PIBF1: variants seen among roughly 807,000 people sequenced by gnomAD.
PIBF1 encodes progesterone-induced-blocking factor 1.
In PIBF1, 90 loss-of-function variants were observed where a neutral mutation model predicts 112.5. That is an observed-to-expected ratio of 0.80 (90% CI 0.67 to 0.95). The LOEUF (loss-of-function observed/expected upper bound fraction) is 0.95, where lower values mean the gene tolerates loss of function less well. PIBF1 is among the 40% of genes least tolerant of loss of function. The pLI, the probability that PIBF1 is intolerant of heterozygous loss-of-function variation, is 0.00. For missense variants in PIBF1, 915 were observed against 852.3 expected (o/e 1.07, Z -0.92); for synonymous variants, 301 against 288.6 (o/e 1.04, Z -0.44).
At chr13:72,791,093 C>T (rs1042414576) in intron 2 of PIBF1, among the ~76,000 whole-genome samples, 3 of 151,984 alleles carry the variant, frequency 2.0e-5, no homozygotes, top group Non-Finnish European at 2.9e-5. Flanking sequence ...CTCACTCTGT[C>T]GCCCAGGCTG....
At chr13:72,883,526 G>C (rs1373998643) in intron 10 of PIBF1, among the ~76,000 whole-genome samples, 1 of 152,104 alleles carries the variant, frequency 6.6e-6, no homozygotes, top group African/African-American at 2.4e-5. Context: ...GGTAGCTCTA[G>C]CCCTGGCTGG....
chr13:72,900,488 A>G (rs959232156), intron 11 of PIBF1, among the ~76,000 whole-genome samples: 1 of 152,184 alleles, frequency 6.6e-6, no homozygotes, highest in African/African-American at 2.4e-5. Context: ...GCAAACAAAA[A>G]CAAAGTGGGG....
chr13:72,932,306 C>T (rs546033419), intron 14 of PIBF1, among the ~76,000 whole-genome samples: 2 of 152,116 alleles, frequency 1.3e-5, no homozygotes, highest in African/African-American at 4.8e-5. Flanking sequence ...TTTTTCAAGT[C>T]ATACATTAAA....
chr13:72,840,524 C>G (rs1012764844), intron 9 of PIBF1, among the ~76,000 whole-genome samples: 7 of 136,160 alleles, frequency 5.1e-5, no homozygotes, highest in Non-Finnish European at 1.1e-4. Context: ...CCCCAATAAA[C>G]TTTTTTTTTT....
rs1402466408 is a variant in PIBF1, at chr13:72,795,492, GA to G, written c.489del (p.Glu164SerfsTer6). ...AAACCTGCGTGACTTTGAGTTGACA[GA>G]AGAGCAATATATTAAATTAAAAGCT... is the stretch of plus-strand genomic sequence containing the variant. ...RRNLRDFELTEEQYIKLKAFP... is the reference protein window; with the variant it reads ...RRNLRDFELTXEQYIKLKAFP... On this transcript the variant is annotated frameshift_variant, in exon 4 of 18. Transcript: ENST00000326291. LOFTEE classifies it high-confidence loss of function. The G allele has an allele frequency of 6.2e-7, 1 of 1,609,460 alleles. No homozygotes were observed. Among genetic ancestry groups the G allele is most frequent in the Non-Finnish European group, 8.5e-7 (1 of 1,178,290 alleles).
chr13:72,892,530 A>G (rs903552465), intron 10 of PIBF1, among the ~76,000 whole-genome samples: 3 of 152,160 alleles, frequency 2.0e-5, no homozygotes, highest in Admixed American at 2.0e-4. Flanking sequence ...GTAATAGCAG[A>G]AAGACTATCG....
intron 10 of PIBF1, among the ~76,000 whole-genome samples, chr13:72,892,584 T>C (rs1406994969): frequency 1.1e-4 from 17 of 152,164 alleles, no homozygotes; most frequent in Admixed American, 1.1e-3. Context: ...TGAAATTTAC[T>C]AGCAGTGTGT....
intron 8 of PIBF1, among the ~76,000 whole-genome samples, chr13:72,832,396 G>C (rs1218671741): frequency 2.0e-5 from 3 of 152,158 alleles, no homozygotes; most frequent in African/African-American, 4.8e-5. Flanking sequence ...TTTTGCAGTG[G>C]CTGGTACCAG....
At chr13:73,002,264 G>A (rs940325334) in intron 17 of PIBF1, among the ~76,000 whole-genome samples, 1 of 152,110 alleles carries the variant, frequency 6.6e-6, no homozygotes, top group Non-Finnish European at 1.5e-5. Flanking sequence ...AACTGGGTGG[G>A]GAACTTTAAT....
intron 10 of PIBF1, among the ~76,000 whole-genome samples, chr13:72,873,517 C>T (rs1202740704): frequency 6.6e-6 from 1 of 152,098 alleles, no homozygotes; most frequent in Admixed American, 6.5e-5. Context: ...ATTCTCCTGC[C>T]TCAGCCTCCC....
intron 11 of PIBF1, among the ~76,000 whole-genome samples, chr13:72,901,516 T>C (rs914105035): frequency 3.9e-5 from 6 of 152,036 alleles, no homozygotes; most frequent in Non-Finnish European, 7.4e-5. Flanking sequence ...TGTGAAACCC[T>C]GTCTACTAAA....
At chr13:72,967,434 T>C (rs957833065) in intron 15 of PIBF1, among the ~76,000 whole-genome samples, 2 of 152,166 alleles carry the variant, frequency 1.3e-5, no homozygotes, top group Non-Finnish European at 2.9e-5. Context: ...GAGAAAATTA[T>C]AAAGATGAAC....
At chr13:72,854,274 TTTTCA>T in intron 10 of PIBF1, 119 bp downstream of exon 10, 2 of 633,068 alleles carry the variant, frequency 3.2e-6, no homozygotes, top group Non-Finnish European at 2.7e-6. Context: ...GAGAGACTAA[TTTTCA>T]TTTCAATAAT....
chr13:72,847,077 C>T (rs1414898649), intron 9 of PIBF1, among the ~76,000 whole-genome samples: 2 of 152,200 alleles, frequency 1.3e-5, no homozygotes, highest in African/African-American at 4.8e-5. Context: ...CAGATTCATT[C>T]TGTTTCATTT....
At chr13:72,799,413 T>C (rs1247051241) in intron 5 of PIBF1, among the ~76,000 whole-genome samples, 1 of 152,218 alleles carries the variant, frequency 6.6e-6, no homozygotes, top group African/African-American at 2.4e-5. Flanking sequence ...ATAAGAAGGC[T>C]TAGCTTCCTC....
chr13:72,867,111 A>C (rs1328313910), intron 10 of PIBF1, among the ~76,000 whole-genome samples: 1 of 152,232 alleles, frequency 6.6e-6, no homozygotes, highest in Non-Finnish European at 1.5e-5. Context: ...GGGAGGGACC[A>C]GGTGGAAGAT....
intron 10 of PIBF1, among the ~76,000 whole-genome samples, chr13:72,865,446 C>A (rs1290615111): frequency 1.3e-5 from 2 of 152,124 alleles, no homozygotes; most frequent in African/African-American, 2.4e-5. Flanking sequence ...TTAATAATTA[C>A]CTTGTATAAA....
intron 14 of PIBF1, among the ~76,000 whole-genome samples, chr13:72,964,254 T>G (rs2042681364): frequency 6.6e-6 from 1 of 152,220 alleles, no homozygotes; most frequent in Non-Finnish European, 1.5e-5. Context: ...ATTGTGTTAT[T>G]CCACTTATGT....
intron 13 of PIBF1, among the ~76,000 whole-genome samples, chr13:72,920,062 C>A (rs1041923381): frequency 6.6e-6 from 1 of 152,162 alleles, no homozygotes; most frequent in Non-Finnish European, 1.5e-5. Flanking sequence ...GAATCACAAA[C>A]AATTATTGCT....
Sources: allele counts gnomAD v4.1 joint callset (sites outside exome capture counted in the v4.1 genomes callset), GRCh38; gene constraint gnomAD v4.1.1; transcripts MANE v1.5; gene names NCBI Gene and HGNC (gene_info 2026-07-23, HGNC 2026-07-21).